CNTNAP2: variants seen among roughly 807,000 people sequenced by gnomAD.
The protein encoded by CNTNAP2 is contactin associated protein 2.
CNTNAP2 carries 98 observed loss-of-function variants against 155.2 expected under a neutral mutation model. The ratio of observed to expected loss-of-function variants is 0.63; its 90% CI spans 0.54 to 0.75. The LOEUF (loss-of-function observed/expected upper bound fraction) is 0.75, where lower values mean the gene tolerates loss of function less well. CNTNAP2 is among the 30% of genes least tolerant of loss of function. The pLI, the probability that CNTNAP2 is intolerant of heterozygous loss-of-function variation, is 0.00. For missense variants in CNTNAP2, 1,727 were observed against 1,688.1 expected, an observed-to-expected ratio of 1.02 and a Z score of -0.40; for synonymous variants, 651 against 631.2, an observed-to-expected ratio of 1.03 and a Z score of -0.47.
intron 11 of CNTNAP2, among the ~76,000 whole-genome samples, chr7:147,520,353 A>G (rs1252372474): frequency 1.9e-4 from 29 of 152,220 alleles, no homozygotes; most frequent in Admixed American, 1.8e-3. Flanking sequence ...AATCAAGTAG[A>G]GCAAGAGGTG....
At chr7:147,732,013 T>C (rs939538966) in intron 13 of CNTNAP2, among the ~76,000 whole-genome samples, 1 of 152,000 alleles carries the variant, frequency 6.6e-6, no homozygotes, top group African/African-American at 2.4e-5. Flanking sequence ...TGTTGCTTCT[T>C]CCAGATGAGC....
intron 4 of CNTNAP2, among the ~76,000 whole-genome samples, chr7:147,100,660 C>T (rs926517083): frequency 6.6e-6 from 1 of 152,112 alleles, no homozygotes; most frequent in African/African-American, 2.4e-5. Context: ...GTTGTGTAGC[C>T]TTAAATCATG....
chr7:146,939,725 A>T (rs1797006605), intron 3 of CNTNAP2, among the ~76,000 whole-genome samples: 1 of 152,206 alleles, frequency 6.6e-6, no homozygotes. Flanking sequence ...GGTTATAGAA[A>T]CCAGACTTAG....
At chr7:147,390,575 A>AT (rs201136472) in intron 9 of CNTNAP2, among the ~76,000 whole-genome samples, 2,508 of 152,148 alleles carry the variant, frequency 0.016, 67 homozygotes, top group African/African-American at 0.057. Context: ...GGAACTTGGT[A>AT]ATAGGCTTTA....
intron 13 of CNTNAP2, 26 bp from the exon 14 acceptor site, chr7:147,903,538 TA>T: frequency 6.2e-7 from 1 of 1,613,970 alleles, no homozygotes; most frequent in Non-Finnish European, 8.5e-7. Context: ...GGTCTGTTTC[TA>T]AATATACCTT....
intron 13 of CNTNAP2, among the ~76,000 whole-genome samples, chr7:147,741,927 A>G (rs1164176984): frequency 6.6e-6 from 1 of 152,216 alleles, no homozygotes; most frequent in African/African-American, 2.4e-5. Context: ...TTACAAAGGA[A>G]AGATATTTAT....
intron 23 of CNTNAP2, chr7:148,414,618 A>C (rs1054759251): frequency 6.6e-6 from 1 of 152,388 alleles, no homozygotes; most frequent in Non-Finnish European, 1.5e-5. Context: ...TCTTCTGGTC[A>C]AGTGACATTT....
chr7:148,178,863 GTTGTCC>G (rs572198479), intron 18 of CNTNAP2, among the ~76,000 whole-genome samples: 26 of 152,266 alleles, frequency 1.7e-4, no homozygotes, highest in African/African-American at 6.3e-4. Flanking sequence ...CTTAATTCAT[GTTGTCC>G]TTTAATCCTT....
chr7:147,502,206 A>G (rs944980406), intron 11 of CNTNAP2, among the ~76,000 whole-genome samples: 1 of 152,220 alleles, frequency 6.6e-6, no homozygotes, highest in Non-Finnish European at 1.5e-5. Context: ...GATGTTTTAT[A>G]GAAATAGAAA....
chr7:148,287,896 A>T (rs537414031), intron 21 of CNTNAP2, among the ~76,000 whole-genome samples: 2 of 143,070 alleles, frequency 1.4e-5, no homozygotes, highest in Admixed American at 1.5e-4. Flanking sequence ...GGTTCAATTG[A>T]TTCTCCTACT....
At chr7:147,196,627 C>T (rs1186104642) in intron 8 of CNTNAP2, among the ~76,000 whole-genome samples, 3 of 152,104 alleles carry the variant, frequency 2.0e-5, no homozygotes, top group Non-Finnish European at 4.4e-5. Context: ...GGAATAAAAC[C>T]TCGCCTAAGC....
In CNTNAP2 at chr7:147,717,058, T is replaced by C. The variant is rs1796490572; in HGVS notation, c.2098+77752T>C. Among the ~76,000 whole-genome samples the C allele has an allele frequency of 1.3e-5, 2 of 152,000 alleles. 1 individual carries two copies. The highest frequency in any genetic ancestry group is 4.1e-4 in the South Asian group (2 of 4,820). On this transcript the variant is annotated intron_variant, in intron 13 of 23. Coordinates refer to ENST00000361727, the MANE Select transcript of CNTNAP2 (RefSeq NM_014141.6). ...CAAAATATTTTGACAACAATATCAG[T>C]GGAATTCTTGGAGCTTATCACCAAA...
At chr7:146,689,044 G>A (rs990575567) in intron 1 of CNTNAP2, among the ~76,000 whole-genome samples, 2 of 152,020 alleles carry the variant, frequency 1.3e-5, no homozygotes, top group Non-Finnish European at 2.9e-5. Context: ...ACTTTTTCAC[G>A]AATGTATTTG....
chr7:148,240,454 C>T (rs146221790), intron 20 of CNTNAP2, among the ~76,000 whole-genome samples: 2 of 152,232 alleles, frequency 1.3e-5, no homozygotes, highest in East Asian at 3.9e-4. Flanking sequence ...GTGATAAGGA[C>T]ACAGCACGTA....
intron 1 of CNTNAP2, among the ~76,000 whole-genome samples, chr7:146,753,291 T>A (rs974051394): frequency 3.9e-5 from 6 of 152,104 alleles, no homozygotes; most frequent in African/African-American, 1.4e-4. Flanking sequence ...AGGTGAGGTT[T>A]CCTTACACAT....
At chr7:147,685,859 C>A (rs1018566258) in intron 13 of CNTNAP2, among the ~76,000 whole-genome samples, 1 of 151,838 alleles carries the variant, frequency 6.6e-6, no homozygotes, top group Admixed American at 6.6e-5. Flanking sequence ...GGGAAGATTG[C>A]TCCAGGTTCT....
intron 14 of CNTNAP2, among the ~76,000 whole-genome samples, chr7:147,920,355 CAAAA>C (rs35672069): frequency 6.1e-4 from 53 of 86,830 alleles, no homozygotes; most frequent in African/African-American, 1.8e-3. Context: ...GACTCCGTCT[CAAAA>C]AAAAAAAAAA....
intron 3 of CNTNAP2, among the ~76,000 whole-genome samples, chr7:147,016,132 C>CA (rs1326918002): frequency 3.9e-5 from 6 of 151,930 alleles, no homozygotes; most frequent in Non-Finnish European, 8.8e-5. Context: ...TGCGACTTTT[C>CA]AAAAACTTTC....
chr7:147,694,071 C>T (rs1189425236), intron 13 of CNTNAP2, among the ~76,000 whole-genome samples: 1 of 151,950 alleles, frequency 6.6e-6, no homozygotes, highest in African/African-American at 2.4e-5. Context: ...TGAGTGGGTA[C>T]TGGATTTTGT....
Sources: allele counts gnomAD v4.1 joint callset (sites outside exome capture counted in the v4.1 genomes callset), GRCh38; gene constraint gnomAD v4.1.1; transcripts MANE v1.5; gene names NCBI Gene and HGNC (gene_info 2026-07-23, HGNC 2026-07-21).